The following DTNA variants were observed in gnomAD, a reference collection of about 807,000 sequenced individuals.
DTNA encodes dystrobrevin alpha.
A neutral mutation model predicts 100.7 loss-of-function variants in DTNA; 43 were observed. The ratio of observed to expected loss-of-function variants is 0.43; its 90% CI spans 0.33 to 0.55. DTNA has a LOEUF of 0.55. Ranked by LOEUF, DTNA falls within the 20% of genes least tolerant of loss-of-function variation. The pLI is 0.04. For synonymous variants in DTNA, 349 were observed against 347.9 expected (o/e 1.00, Z -0.04); for missense variants, 798 against 953.9 (o/e 0.84, Z 2.15).
At chr18:34,691,622 T>G (rs2079779050) in intron 1 of DTNA, among the ~76,000 whole-genome samples, 1 of 152,218 alleles carries the variant, frequency 6.6e-6, no homozygotes, top group Non-Finnish European at 1.5e-5. Flanking sequence ...ATAATACTGG[T>G]ACAATGGACC....
intron 1 of DTNA, among the ~76,000 whole-genome samples, chr18:34,647,522 C>T (rs2059984978): frequency 6.6e-6 from 1 of 152,152 alleles, no homozygotes; most frequent in South Asian, 2.1e-4. Context: ...GCAAAGGAGT[C>T]TGGGAAATGT....
chr18:34,683,629 T>A (rs987505299), intron 1 of DTNA: 1 of 152,136 alleles, frequency 6.6e-6, no homozygotes, highest in Non-Finnish European at 1.5e-5. Context: ...TTTCAGACAA[T>A]GCGCAAATGC....
chr18:34,711,455 C>A (rs2146504388), intron 1 of DTNA, among the ~76,000 whole-genome samples: 1 of 152,292 alleles, frequency 6.6e-6, no homozygotes, highest in Admixed American at 6.5e-5. Context: ...GCTGTCTTAG[C>A]AGCTTTTAGA....
chr18:34,640,476 C>A (rs1030984645), intron 1 of DTNA, among the ~76,000 whole-genome samples: 2 of 152,204 alleles, frequency 1.3e-5, no homozygotes, highest in African/African-American at 4.8e-5. Context: ...GCATTGTCAG[C>A]AAAAATACCT....
intron 3 of DTNA, among the ~76,000 whole-genome samples, chr18:34,771,830 T>A (rs1247807998): frequency 6.6e-6 from 1 of 152,210 alleles, no homozygotes; most frequent in African/African-American, 2.4e-5. Flanking sequence ...TAAACTCTTA[T>A]AAGGATATAT....
At chr18:34,572,399 C>T (rs1047395997) in intron 1 of DTNA, among the ~76,000 whole-genome samples, 2 of 152,180 alleles carry the variant, frequency 1.3e-5, no homozygotes, top group Non-Finnish European at 2.9e-5. Flanking sequence ...TTGCTATGTG[C>T]TAACCAATTT....
chr18:34,665,183 TA>T (rs2075736207), intron 1 of DTNA, among the ~76,000 whole-genome samples: 1 of 152,072 alleles, frequency 6.6e-6, no homozygotes, highest in African/African-American at 2.4e-5. Context: ...TGATTTCCAG[TA>T]AAAGTATCTC....
chr18:34,701,074 A>C (rs1178672613), intron 1 of DTNA, among the ~76,000 whole-genome samples: 1 of 151,966 alleles, frequency 6.6e-6, no homozygotes, highest in Admixed American at 6.6e-5. Context: ...GTAGTGGACC[A>C]CTCAGCAGGT....
At chr18:34,699,865 C>CAA (rs58134205) in intron 1 of DTNA, among the ~76,000 whole-genome samples, 46 of 151,036 alleles carry the variant, frequency 3.0e-4, no homozygotes, top group African/African-American at 1.1e-3. Flanking sequence ...CAAAACAAAA[C>CAA]AAAAAAAAAC....
chr18:34,547,577 A>G (rs542021183), intron 1 of DTNA, among the ~76,000 whole-genome samples: 13 of 152,262 alleles, frequency 8.5e-5, no homozygotes, highest in African/African-American at 2.9e-4. Flanking sequence ...AGTTTATGAA[A>G]GACATCCATT....
intron 5 of DTNA, among the ~76,000 whole-genome samples, chr18:34,809,206 A>G (rs1008930895): frequency 6.6e-6 from 1 of 152,180 alleles, no homozygotes; most frequent in Non-Finnish European, 1.5e-5. Context: ...TACCCACAAA[A>G]TCTGCCCGCA....
At position 34,698,896 on chromosome 18, in the gene DTNA, G is replaced by T. The variant is rs115330487; in HGVS notation, c.-1-57080G>T. Among the ~76,000 whole-genome samples the T allele has an allele frequency of 4.5e-3, 677 of 151,562 alleles. 6 individuals carry two copies. Among genetic ancestry groups the T allele is most frequent in the African/African-American group, 0.015 (628 of 41,252 alleles). On this transcript the variant is annotated intron_variant, in intron 1 of 19. Transcript: ENST00000283365. The stretch of plus-strand genomic sequence containing the variant: ...CTGGCTCAAATGTTAATCTCCTTTG[G>T]CAACACACTCACCCAGGAACAATAC...
chr18:34,861,522 G>A (rs991871894), intron 16 of DTNA, among the ~76,000 whole-genome samples: 1 of 146,784 alleles, frequency 6.8e-6, no homozygotes, highest in Admixed American at 6.8e-5. Flanking sequence ...AAAGAAAGTA[G>A]GTTTTAACAC....
chr18:34,628,142 C>A (rs923096368), intron 1 of DTNA, among the ~76,000 whole-genome samples: 21 of 151,884 alleles, frequency 1.4e-4, no homozygotes, highest in African/African-American at 5.1e-4. Flanking sequence ...AAGTTATCTA[C>A]AATAGCTATG....
intron 1 of DTNA, among the ~76,000 whole-genome samples, chr18:34,581,286 A>T (rs966811268): frequency 3.3e-5 from 5 of 152,060 alleles, no homozygotes; most frequent in Admixed American, 3.3e-4. Context: ...AAAACAAAAC[A>T]AAAAAGAAAC....
At chr18:34,670,122 A>G (rs536002718) in intron 1 of DTNA, among the ~76,000 whole-genome samples, 2 of 152,022 alleles carry the variant, frequency 1.3e-5, no homozygotes, top group African/African-American at 2.4e-5. Flanking sequence ...GGCTTTGTTC[A>G]TTTCTTTTTA....
At chr18:34,588,422 G>A (rs745660702) in intron 1 of DTNA, among the ~76,000 whole-genome samples, 15 of 151,916 alleles carry the variant, frequency 9.9e-5, no homozygotes, top group Non-Finnish European at 1.6e-4. Flanking sequence ...TCTGTTTCCC[G>A]CCTGCTCTTC....
intron 1 of DTNA, among the ~76,000 whole-genome samples, chr18:34,687,553 G>C (rs2079087607): frequency 6.6e-6 from 1 of 151,998 alleles, no homozygotes; most frequent in South Asian, 2.1e-4. Flanking sequence ...GGAGTGTTTT[G>C]CTTCCAATTA....
chr18:34,565,870 A>G (rs2146312575), intron 1 of DTNA, among the ~76,000 whole-genome samples: 1 of 152,336 alleles, frequency 6.6e-6, no homozygotes, highest in East Asian at 1.9e-4. Flanking sequence ...AGCCACCTAG[A>G]GTAGGTGACA....
Sources: allele counts gnomAD v4.1 joint callset (sites outside exome capture counted in the v4.1 genomes callset), GRCh38; gene constraint gnomAD v4.1.1; transcripts MANE v1.5; gene names NCBI Gene and HGNC (gene_info 2026-07-23, HGNC 2026-07-21).